The following ZBTB20 variants were observed in gnomAD, a reference collection of about 807,000 sequenced individuals.
ZBTB20 encodes the protein zinc finger and BTB domain containing 20.
A neutral mutation model predicts 56.9 loss-of-function variants in ZBTB20; 9 were observed. The observed-to-expected ratio is 0.16, with a 90% CI of 0.10 to 0.28. The LOEUF (loss-of-function observed/expected upper bound fraction) is 0.28, where lower values mean the gene tolerates loss of function less well. Among genes scored for constraint, ZBTB20 ranks in the 10% least tolerant of loss-of-function variants. The pLI is 1.00. For synonymous variants in ZBTB20, 417 were observed against 420.7 expected (o/e 0.99, Z 0.11); for missense variants, 655 against 1,003.0 (o/e 0.65, Z 4.69).
chr3:114,389,409 G>A (rs768107022), intron 7 of ZBTB20, among the ~76,000 whole-genome samples: 4 of 152,028 alleles, frequency 2.6e-5, no homozygotes, highest in Non-Finnish European at 5.9e-5. Context: ...TGACAGTGGG[G>A]GAAGGAAGTA....
In ZBTB20 at chr3:114,455,981, G is replaced by A. The variant is rs192775922; in HGVS notation, c.-255+44371C>T. ...ACACTAGGACTCCAGGAGCCCACCA[G>A]GCCAGTGCTCTTTCCACCACACCAG... On this transcript the variant is annotated intron_variant, in intron 7 of 11. Transcript: ENST00000675478. Among the ~76,000 whole-genome samples, 220 of 152,090 alleles carry A rather than the reference G, an allele frequency of 1.4e-3. 1 individual carries two copies. Among genetic ancestry groups the A allele is most frequent in the Admixed American group, 2.4e-3 (36 of 15,238 alleles).
intron 4 of ZBTB20, among the ~76,000 whole-genome samples, chr3:114,824,190 T>A (rs1326852666): frequency 6.6e-6 from 1 of 152,042 alleles, no homozygotes; most frequent in Admixed American, 6.6e-5. Context: ...AACATGAGCA[T>A]AAATCTTAAG....
intron 6 of ZBTB20, among the ~76,000 whole-genome samples, chr3:114,559,149 T>G (rs930715033): frequency 6.6e-6 from 1 of 152,192 alleles, no homozygotes; most frequent in Non-Finnish European, 1.5e-5. Context: ...GTGTCTGGAA[T>G]AGTAGGTGCT....
Position 114,339,221 on chromosome 3 carries a change from C to A in ZBTB20, c.2010G>T (p.Lys670Asn). 3.1e-6 allele frequency: 5 copies of A among 1,614,226 alleles called. No individual in the cohort carries two copies. Among genetic ancestry groups the A allele is most frequent in the Non-Finnish European group, 4.2e-6 (5 of 1,180,050 alleles). The change falls in exon 12 of 12, where the codon AAG becomes AAT. Residue 670 changes from lysine to asparagine, a missense_variant. By Grantham distance (94) the Lys-to-Asn change is moderately conservative (BLOSUM62 0). Transcript: ENST00000675478. This position sits in a 1 kb window ranked among gnomAD's most constrained non-coding sequence, Gnocchi z 4.2. ...KSYECYICKKKFSHKTLLERH... is the reference protein window; with the variant it reads ...KSYECYICKKNFSHKTLLERH... ...GCTCCAGGAGGGTCTTGTGAGAGAACTTCTTTTTGCAGATGTAGCACTCGT... is the reference window on the plus strand; with the variant it reads ...GCTCCAGGAGGGTCTTGTGAGAGAAATTCTTTTTGCAGATGTAGCACTCGT...
At chr3:114,637,755 T>A (rs1158582780) in intron 6 of ZBTB20, among the ~76,000 whole-genome samples, 1 of 152,130 alleles carries the variant, frequency 6.6e-6, no homozygotes, top group Non-Finnish European at 1.5e-5. Context: ...GAATTCACAA[T>A]ACAGTGGCCA....
intron 8 of ZBTB20, among the ~76,000 whole-genome samples, chr3:114,382,361 G>A (rs1490859657): frequency 6.6e-6 from 1 of 152,108 alleles, no homozygotes. Flanking sequence ...GACACTCAAG[G>A]TCAGTTCCGT....
intron 5 of ZBTB20, among the ~76,000 whole-genome samples, chr3:114,725,570 C>T (rs183563603): frequency 3.2e-4 from 49 of 152,296 alleles, no homozygotes; most frequent in Admixed American, 1.1e-3. Context: ...TTGATTACTT[C>T]GCTAAAATGA....
chr3:114,974,079 AAGG>A (rs1006388416), intron 3 of ZBTB20, among the ~76,000 whole-genome samples: 3 of 151,848 alleles, frequency 2.0e-5, no homozygotes, highest in African/African-American at 4.8e-5. Flanking sequence ...AAAAAAAAAA[AAGG>A]AGGACAGAGG....
At chr3:114,667,468 AC>A (rs1037329290) in intron 6 of ZBTB20, among the ~76,000 whole-genome samples, 2 of 151,910 alleles carry the variant, frequency 1.3e-5, no homozygotes, top group African/African-American at 4.8e-5. Flanking sequence ...CCAACTGCCC[AC>A]CCTTCTGTTC....
Position 115,110,188 on chromosome 3 carries a change from G to A in ZBTB20, c.-703+37031C>T, listed in dbSNP as rs188807018. On this transcript the variant is annotated intron_variant, in intron 1 of 11. Coordinates refer to ENST00000675478, the MANE Select transcript of ZBTB20 (RefSeq NM_001348800.3). ...GATCACGCCACTGCACTCCAGCCTG[G>A]GCGATAGGGACTCTGTCTTAGAAAA... 2.4e-3 allele frequency among the ~76,000 whole-genome samples: 358 copies of A among 152,040 alleles called. 2 individuals carry two copies. The highest frequency in any genetic ancestry group is 8.3e-3 in the African/African-American group (346 of 41,456).
At chr3:114,710,790 T>C (rs552312766) in intron 5 of ZBTB20, among the ~76,000 whole-genome samples, 40 of 152,300 alleles carry the variant, frequency 2.6e-4, no homozygotes, top group African/African-American at 9.6e-4. Context: ...CTGGAACTCT[T>C]TTAATATGTA....
intron 1 of ZBTB20, among the ~76,000 whole-genome samples, chr3:115,082,674 A>C (rs1274281154): frequency 6.6e-6 from 1 of 152,132 alleles, no homozygotes; most frequent in African/African-American, 2.4e-5. Context: ...CAAAAATAGA[A>C]AACAATTTAA....
rs575003744 is a variant in ZBTB20, at chr3:114,897,350, T to C, written c.-417+2954A>G. ...GCAAACAGCAGACATCCATTCACCA[T>C]GCAGAATAAAAGGAAATGAGGAAAG... is the stretch of plus-strand genomic sequence containing the variant. On this transcript the variant is annotated intron_variant, in intron 4 of 11. Transcript: ENST00000675478. Among the ~76,000 whole-genome samples, 149 of 151,900 alleles carry C rather than the reference T, an allele frequency of 9.8e-4. 1 individual carries two copies. The highest frequency in any genetic ancestry group is 3.5e-3 in the African/African-American group (144 of 41,450).
intron 6 of ZBTB20, among the ~76,000 whole-genome samples, chr3:114,569,264 T>C (rs1156756666): frequency 6.6e-6 from 1 of 152,224 alleles, no homozygotes; most frequent in Non-Finnish European, 1.5e-5. Flanking sequence ...GGATGCTCCA[T>C]TGCACATTTT....
Position 114,974,270 on chromosome 3 carries a change from T to G in ZBTB20, c.-456+96A>C, listed in dbSNP as rs188837814. The G allele has an allele frequency of 9.2e-5, 14 of 152,052 alleles. No homozygotes were observed. The East Asian group carries it at 1.9e-3, about 21-fold the overall frequency. The allele number at this position is 152,052 out of a possible 1,614,324, so 9.4% of individuals were successfully genotyped here. A position where few individuals can be genotyped will look rare whatever the true frequency, so the allele number is the denominator to read the frequency against. On this transcript the variant is annotated intron_variant, in intron 3 of 11. Coordinates refer to ENST00000675478, the MANE Select transcript of ZBTB20 (RefSeq NM_001348800.3). ...GGACAATAAAAGAAAAATAATAAAA[T>G]AAAAGAAAAGTTGAGGTAGCAAATC...
chr3:114,780,029 T>C (rs2069957270), intron 5 of ZBTB20, among the ~76,000 whole-genome samples: 1 of 152,226 alleles, frequency 6.6e-6, no homozygotes, highest in Non-Finnish European at 1.5e-5. Flanking sequence ...TAAAAATCTG[T>C]AATGAATAAA....
intron 4 of ZBTB20, among the ~76,000 whole-genome samples, chr3:114,866,274 G>A (rs1364543734): frequency 6.6e-6 from 1 of 152,098 alleles, no homozygotes; most frequent in African/African-American, 2.4e-5. Flanking sequence ...CCCAGATTTA[G>A]AGATGAAGAA....
In ZBTB20 at chr3:114,322,458, G is replaced by A. The variant is rs1160111093; in HGVS notation, c.*16547C>T. On this transcript the variant is annotated 3_prime_UTR_variant, in exon 12 of 12. Coordinates refer to ENST00000675478, the MANE Select transcript of ZBTB20 (RefSeq NM_001348800.3). ...TGAGCCTGTTGTAGTACTTTTTTCT[G>A]GGAGAGAGGAAATTGCGATCTGAAG... The A allele has an allele frequency of 1.3e-5, 2 of 152,118 alleles. No homozygotes were observed. Among genetic ancestry groups the A allele is most frequent in the East Asian group, 3.8e-4 (2 of 5,204 alleles). 9.4% of individuals were successfully genotyped at this position (152,118 alleles called of 1,614,324 possible).
chr3:114,452,672 T>C (rs1031432516), intron 7 of ZBTB20, among the ~76,000 whole-genome samples: 11 of 152,286 alleles, frequency 7.2e-5, no homozygotes, highest in African/African-American at 2.6e-4. Context: ...TCTATAATTA[T>C]GGAAAATGTA....
Sources: gnomAD v4.1 joint callset for allele counts (sites outside exome capture counted in the v4.1 genomes callset) on GRCh38, gnomAD v4.1.1 for gene constraint, Gnocchi (gnomAD v3.1) non-coding constraint, MANE v1.5 for transcripts, NCBI Gene and HGNC (gene_info 2026-07-23, HGNC 2026-07-21) for gene names.